Variants in CLDN10 observed in about 807,000 individuals in gnomAD.
The protein encoded by CLDN10 is claudin-10.
Under a neutral mutation model 22.9 loss-of-function variants are expected in CLDN10, and 15 were observed. The observed-to-expected ratio is 0.65, with a 90% CI of 0.44 to 1.01. The LOEUF (loss-of-function observed/expected upper bound fraction) is 1.01, where lower values mean the gene tolerates loss of function less well. CLDN10 is among the 50% of genes least tolerant of loss of function. The probability of loss-of-function intolerance (pLI) is 0.00; values close to 1 mark genes in which losing one functional copy is unlikely to be tolerated. For missense variants in CLDN10, 247 were observed against 287.8 expected (o/e 0.86, Z 1.03); for synonymous variants, 114 against 111.4 (o/e 1.02, Z -0.15).
chr13:95,559,613 C>T (rs531410886), intron 1 of CLDN10, among the ~76,000 whole-genome samples: 1 of 152,184 alleles, frequency 6.6e-6, no homozygotes, highest in East Asian at 1.9e-4. Flanking sequence ...AAGGTTTGAC[C>T]CTTTGGATCT....
At chr13:95,475,153 CGG>C (rs1566289002) in intron 1 of CLDN10, among the ~76,000 whole-genome samples, 3 of 151,478 alleles carry the variant, frequency 2.0e-5, no homozygotes, top group Non-Finnish European at 3.0e-5. Flanking sequence ...TCCCACAACT[CGG>C]ATCAGAGGAT....
chr13:95,518,031 C>G (rs570260872), intron 1 of CLDN10, among the ~76,000 whole-genome samples: 5 of 151,838 alleles, frequency 3.3e-5, no homozygotes, highest in East Asian at 3.9e-4. Context: ...CTGAAGCCAG[C>G]CTTTCAGGGT....
chr13:95,466,903 G>T (rs2042586047), intron 1 of CLDN10, among the ~76,000 whole-genome samples: 1 of 141,154 alleles, frequency 7.1e-6, no homozygotes, highest in Non-Finnish European at 1.5e-5. Flanking sequence ...TTGAGACAGA[G>T]TCTCGCTCTG....
chr13:95,565,670 C>T (rs2043777404), intron 3 of CLDN10, among the ~76,000 whole-genome samples: 1 of 152,054 alleles, frequency 6.6e-6, no homozygotes, highest in Admixed American at 6.6e-5. Context: ...TACATGTGCC[C>T]CACATGCAGG....
intron 1 of CLDN10, among the ~76,000 whole-genome samples, chr13:95,489,973 T>G (rs4439627): frequency 0.2 from 29,868 of 152,178 alleles, 3,336 homozygotes; most frequent in East Asian, 0.32. Flanking sequence ...TTGAAAATGA[T>G]GTCCTTTCCC....
chr13:95,577,143 G>A (rs2043943902), intron 3 of CLDN10, 88 bp from the exon 4 acceptor site: 1 of 820,584 alleles, frequency 1.2e-6, no homozygotes, highest in South Asian at 1.6e-5. Flanking sequence ...AACATAATAA[G>A]CATTTAGTAA....
At chr13:95,506,723 G>A (rs1380818566) in intron 1 of CLDN10, among the ~76,000 whole-genome samples, 2 of 152,200 alleles carry the variant, frequency 1.3e-5, no homozygotes, top group Non-Finnish European at 2.9e-5. Flanking sequence ...CCAACTTGGT[G>A]AGAGTTGTAG....
intron 3 of CLDN10, among the ~76,000 whole-genome samples, chr13:95,573,679 GT>G (rs1185175780): frequency 6.6e-6 from 1 of 151,388 alleles, no homozygotes; most frequent in African/African-American, 2.4e-5. Context: ...ACACACGTCA[GT>G]TTTTTTTGAT....
intron 1 of CLDN10, among the ~76,000 whole-genome samples, chr13:95,546,060 T>C (rs968097327): frequency 6.6e-6 from 1 of 152,252 alleles, no homozygotes; most frequent in African/African-American, 2.4e-5. Flanking sequence ...TCAATTCACT[T>C]ACTGCAAGAT....
intron 1 of CLDN10, among the ~76,000 whole-genome samples, chr13:95,516,722 G>A (rs950188519): frequency 2.0e-5 from 3 of 152,166 alleles, no homozygotes; most frequent in African/African-American, 7.2e-5. Flanking sequence ...AGGCAGCTAT[G>A]GAAAAGGCTT....
chr13:95,471,416 T>TAC (rs1355860426), intron 1 of CLDN10, among the ~76,000 whole-genome samples: 4 of 115,282 alleles, frequency 3.5e-5, no homozygotes, highest in East Asian at 2.7e-4. Context: ...CACACACACA[T>TAC]ATACACACAC....
At chr13:95,561,163 T>A (rs1362767057) in intron 3 of CLDN10, among the ~76,000 whole-genome samples, 1 of 152,210 alleles carries the variant, frequency 6.6e-6, no homozygotes, top group African/African-American at 2.4e-5. Flanking sequence ...ATATTAAATA[T>A]TTTGTCTTAC....
At chr13:95,486,277 T>C (rs1293192555) in intron 1 of CLDN10, among the ~76,000 whole-genome samples, 2 of 152,110 alleles carry the variant, frequency 1.3e-5, no homozygotes, top group East Asian at 3.9e-4. Context: ...AATAGGCGCA[T>C]TTTGGGAGGC....
At chr13:95,489,820 T>C (rs902927668) in intron 1 of CLDN10, among the ~76,000 whole-genome samples, 1 of 152,238 alleles carries the variant, frequency 6.6e-6, no homozygotes, top group African/African-American at 2.4e-5. Context: ...GTTTTTCCAA[T>C]GTTATCTTCT....
intron 1 of CLDN10, among the ~76,000 whole-genome samples, chr13:95,471,760 C>A (rs1374063473): frequency 1.3e-5 from 2 of 151,362 alleles, no homozygotes; most frequent in East Asian, 3.9e-4. Context: ...CCTTTTTTTT[C>A]TCTTTTAAAC....
At chr13:95,503,234 T>C (rs1186007125) in intron 1 of CLDN10, among the ~76,000 whole-genome samples, 1 of 152,022 alleles carries the variant, frequency 6.6e-6, no homozygotes, top group East Asian at 1.9e-4. Flanking sequence ...ATAATATTAA[T>C]AAAAGCCACA....
chr13:95,510,563 T>C (rs11840079), intron 1 of CLDN10, among the ~76,000 whole-genome samples: 15,210 of 152,258 alleles, frequency 0.1, 915 homozygotes, highest in Middle Eastern at 0.12. Context: ...GAACATTTGA[T>C]TACTTGCTTA....
intron 1 of CLDN10, among the ~76,000 whole-genome samples, chr13:95,515,261 C>T (rs950549186): frequency 7.2e-5 from 11 of 152,020 alleles, no homozygotes; most frequent in African/African-American, 2.7e-4. Flanking sequence ...TGCAGTGGTA[C>T]GATCTCAGCT....
chr13:95,513,147 T>C (rs1475929866), intron 1 of CLDN10, among the ~76,000 whole-genome samples: 2 of 152,238 alleles, frequency 1.3e-5, no homozygotes, highest in African/African-American at 4.8e-5. Flanking sequence ...CACAAAGTGC[T>C]AGGATTACAG....
Sources: allele counts gnomAD v4.1 joint callset (sites outside exome capture counted in the v4.1 genomes callset), GRCh38; gene constraint gnomAD v4.1.1; transcripts MANE v1.5; gene names NCBI Gene and HGNC (gene_info 2026-07-23, HGNC 2026-07-21).